Variants in LRP1B observed in about 807,000 individuals in gnomAD.
LRP1B encodes the protein low-density lipoprotein receptor-related protein 1B.
LRP1B carries 217 observed loss-of-function variants against 556.6 expected under a neutral mutation model. That is an observed-to-expected ratio of 0.39 (90% CI 0.35 to 0.44). LRP1B has a LOEUF of 0.44. Among genes scored for constraint, LRP1B ranks in the 20% least tolerant of loss-of-function variants. LRP1B has a pLI of 1.00. For synonymous variants in LRP1B, 2,047 were observed against 1,865.8 expected (o/e 1.10, Z -2.50); for missense variants, 5,053 against 5,620.8 (o/e 0.90, Z 3.23).
At chr2:141,599,353 G>T (rs546510593) in intron 2 of LRP1B, among the ~76,000 whole-genome samples, 235 of 151,908 alleles carry the variant, frequency 1.5e-3, no homozygotes, top group African/African-American at 5.5e-3. Context: ...AGCTTCTTTT[G>T]CTTCAGAAAG....
intron 3 of LRP1B, among the ~76,000 whole-genome samples, chr2:141,410,971 G>A (rs1021506435): frequency 6.6e-6 from 1 of 151,676 alleles, no homozygotes; most frequent in Non-Finnish European, 1.5e-5. Context: ...AACTCTCCTA[G>A]CTATACACAT....
intron 35 of LRP1B, among the ~76,000 whole-genome samples, chr2:140,744,397 A>G (rs1473948217): frequency 1.3e-5 from 2 of 152,200 alleles, no homozygotes; most frequent in Admixed American, 1.3e-4. Context: ...AGATGATAGA[A>G]GCTAAAGCCC....
In LRP1B at chr2:141,254,562, C is replaced by T. The variant is rs1203975382; in HGVS notation, c.423G>A (p.Glu141=). The change falls in exon 4 of 91, where the codon GAG becomes GAA. Residue 141 remains glutamate, a synonymous_variant. Transcript: ENST00000389484. Reference sequence around the variant, plus strand: ...CATCTTCTGTTATTTCGAATCCATCCTCACAGTAACATCTTGTACTATTTC... The same window carrying T: ...CATCTTCTGTTATTTCGAATCCATCTTCACAGTAACATCTTGTACTATTTC... ...MVRNSTRCYC[E]DGFEITEDGR... 2 of 1,611,848 alleles carry T rather than the reference C, an allele frequency of 1.2e-6. No individual in the cohort carries two copies. Among genetic ancestry groups the T allele is most frequent in the Non-Finnish European group, 8.5e-7 (1 of 1,178,616 alleles).
chr2:140,923,260 T>A, intron 20 of LRP1B, 113 bp from the exon 21 acceptor site: 1 of 719,228 alleles, frequency 1.4e-6, no homozygotes, highest in Non-Finnish European at 2.3e-6. Context: ...CAGGCATTAT[T>A]ATAATGCTAG....
At chr2:141,591,916 A>G (rs1219934756) in intron 2 of LRP1B, among the ~76,000 whole-genome samples, 1 of 152,166 alleles carries the variant, frequency 6.6e-6, no homozygotes, top group African/African-American at 2.4e-5. Context: ...TACATAGTCC[A>G]AAATCTTCTC....
At chr2:140,471,283 C>T (rs975002394) in intron 60 of LRP1B, among the ~76,000 whole-genome samples, 1 of 152,016 alleles carries the variant, frequency 6.6e-6, no homozygotes, top group East Asian at 1.9e-4. Flanking sequence ...TAGGGAAGGG[C>T]ATAATATAGA....
At chr2:141,464,662 G>T (rs1026536359) in intron 3 of LRP1B, among the ~76,000 whole-genome samples, 3 of 144,258 alleles carry the variant, frequency 2.1e-5, no homozygotes, top group Non-Finnish European at 4.5e-5. Context: ...TCTATCTCCT[G>T]ACCTAGTGAT....
intron 1 of LRP1B, among the ~76,000 whole-genome samples, chr2:142,110,701 C>A (rs1017810669): frequency 2.0e-5 from 3 of 152,058 alleles, no homozygotes; most frequent in Admixed American, 6.6e-5. Flanking sequence ...TTAATGATTT[C>A]TTTTAGGAAC....
intron 2 of LRP1B, among the ~76,000 whole-genome samples, chr2:141,547,879 A>G (rs1685609486): frequency 6.6e-6 from 1 of 151,080 alleles, no homozygotes; most frequent in Non-Finnish European, 1.5e-5. Flanking sequence ...AAATAAATGG[A>G]ATGTTGTATC....
chr2:140,885,421 G>T (rs1238201480), intron 24 of LRP1B, among the ~76,000 whole-genome samples: 3 of 151,422 alleles, frequency 2.0e-5, no homozygotes, highest in African/African-American at 4.9e-5. Context: ...AATGATCTAG[G>T]CTCACTGCAA....
chr2:141,821,073 G>A (rs1304583822), intron 1 of LRP1B, among the ~76,000 whole-genome samples: 1 of 152,168 alleles, frequency 6.6e-6, no homozygotes, highest in Admixed American at 6.5e-5. Context: ...TCTGAGAAGG[G>A]AGCCAAGCAT....
At chr2:140,324,990 A>G (rs1208491443) in intron 80 of LRP1B, among the ~76,000 whole-genome samples, 1 of 152,070 alleles carries the variant, frequency 6.6e-6, no homozygotes, top group Non-Finnish European at 1.5e-5. Flanking sequence ...TGTTATTAAA[A>G]AAAGGGAAGC....
chr2:141,822,069 C>A (rs979521980), intron 1 of LRP1B, among the ~76,000 whole-genome samples: 95 of 146,048 alleles, frequency 6.5e-4, no homozygotes, highest in African/African-American at 2.4e-3. Context: ...CTATTTGGAA[C>A]TGCTTCTTCA....
intron 1 of LRP1B, among the ~76,000 whole-genome samples, chr2:142,038,708 A>G (rs985629161): frequency 6.6e-6 from 1 of 151,542 alleles, no homozygotes; most frequent in African/African-American, 2.4e-5. Context: ...TATCACAACC[A>G]TCTATTATCC....
intron 3 of LRP1B, 64 bp from the exon 4 acceptor site, chr2:141,254,705 C>T (rs1374812015): frequency 7.6e-7 from 1 of 1,318,398 alleles, no homozygotes; most frequent in Admixed American, 2.1e-5. Flanking sequence ...TTGTATTTCT[C>T]AGTGTACAAT....
At chr2:140,386,078 G>GTTT (rs1683748527) in intron 66 of LRP1B, 69 bp from the exon 67 acceptor site, 1 of 905,014 alleles carries the variant, frequency 1.1e-6, no homozygotes, top group Non-Finnish European at 1.8e-6. Context: ...CGTCCTCACT[G>GTTT]CCATGCCAAA....
At chr2:140,290,727 T>G (rs1573741557) in intron 84 of LRP1B, among the ~76,000 whole-genome samples, 1 of 152,066 alleles carries the variant, frequency 6.6e-6, no homozygotes, top group Non-Finnish European at 1.5e-5. Context: ...AAGTTCCTAT[T>G]AGTGCCTCTT....
chr2:141,291,901 G>A (rs752949300), intron 3 of LRP1B, among the ~76,000 whole-genome samples: 118 of 142,348 alleles, frequency 8.3e-4, no homozygotes, highest in Non-Finnish European at 1.4e-3. Context: ...CTTGTTTGGG[G>A]TTACAAAATT....
intron 3 of LRP1B, among the ~76,000 whole-genome samples, chr2:141,290,745 T>G (rs1375294017): frequency 6.6e-6 from 1 of 152,064 alleles, no homozygotes; most frequent in Non-Finnish European, 1.5e-5. Context: ...TTATGAGACA[T>G]GGAGATTTGT....
Sources: allele counts gnomAD v4.1 joint callset (sites outside exome capture counted in the v4.1 genomes callset), GRCh38; gene constraint gnomAD v4.1.1; transcripts MANE v1.5; gene names NCBI Gene and HGNC (gene_info 2026-07-23, HGNC 2026-07-21).